Variants in EDEM3 observed in about 807,000 individuals in gnomAD.
The protein encoded by EDEM3 is ER degradation enhancing alpha-mannosidase like protein 3.
Under a neutral mutation model 110.2 loss-of-function variants are expected in EDEM3, and 60 were observed. The ratio of observed to expected loss-of-function variants is 0.54; its 90% CI spans 0.44 to 0.67. The LOEUF (loss-of-function observed/expected upper bound fraction) is 0.67. Ranked by LOEUF, EDEM3 falls within the 30% of genes least tolerant of loss-of-function variation. The pLI, the probability that EDEM3 is intolerant of heterozygous loss-of-function variation, is 0.00. For synonymous variants in EDEM3, 352 were observed against 382.9 expected (o/e 0.92, Z 0.94); for missense variants, 996 against 1,121.0 (o/e 0.89, Z 1.59).
chr1:184,700,312 T>C (rs1164437681), intron 19 of EDEM3, among the ~76,000 whole-genome samples: 1 of 151,966 alleles, frequency 6.6e-6, no homozygotes, highest in Non-Finnish European at 1.5e-5. Context: ...TTAATCAGCA[T>C]TGTGTGACTT....
Position 184,754,486 on chromosome 1 carries a change from T to C in EDEM3, c.158+3A>G, listed in dbSNP as rs1399439008. 6.2e-7 allele frequency: 1 copy of C among 1,612,494 alleles called. No homozygotes were observed. The highest frequency in any genetic ancestry group is 8.5e-7 in the Non-Finnish European group (1 of 1,179,588). On this transcript the variant is annotated splice_donor_region_variant and intron_variant, in intron 1 of 19. Coordinates refer to ENST00000318130, the MANE Select transcript of EDEM3 (RefSeq NM_025191.4). ...ACCCACCCCAGGCTGCCAGCACCCT[T>C]ACCCAAGCTTCTGTTTCTCCTCCCT... is the stretch of plus-strand genomic sequence containing the variant.
chr1:184,719,394 T>C, intron 10 of EDEM3, 49 bp downstream of exon 10: 1 of 1,588,046 alleles, frequency 6.3e-7, no homozygotes, highest in Admixed American at 1.8e-5. Context: ...ATGCGCCTAA[T>C]TAACATCATC....
Position 184,693,865 on chromosome 1 carries a change from A to T in EDEM3, c.*198T>A. ...GGGGAACTGTGGATTTCCATTTTTG[A>T]TGGGACAGTTTTAAACAAGGTCAAT... On this transcript the variant is annotated 3_prime_UTR_variant, in exon 20 of 20. Transcript: ENST00000318130. 1 of 544,712 alleles carries T rather than the reference A, an allele frequency of 1.8e-6. No individual in the cohort carries two copies. Among genetic ancestry groups the T allele is most frequent in the Non-Finnish European group, 3.1e-6 (1 of 317,838 alleles). 33.7% of individuals were successfully genotyped at this position (544,712 alleles called of 1,614,324 possible). A position where few individuals can be genotyped will look rare whatever the true frequency, so the allele number is the denominator to read the frequency against.
intron 9 of EDEM3, chr1:184,720,509 C>CTTTTTTGTTTTTT (rs1650833762): frequency 7.8e-6 from 1 of 127,458 alleles, no homozygotes; most frequent in Non-Finnish European, 1.6e-5. Context: ...ATCTCCCATA[C>CTTTTTTGTTTTTT]TTTTTTTTTT....
Position 184,693,503 on chromosome 1 carries a change from A to T in EDEM3, c.*560T>A, listed in dbSNP as rs1305652708. 1 of 152,582 alleles carries T rather than the reference A, an allele frequency of 6.6e-6. No homozygotes were observed. The highest frequency in any genetic ancestry group is 1.5e-5 in the Non-Finnish European group (1 of 68,100). 9.5% of individuals were successfully genotyped at this position (152,582 alleles called of 1,614,324 possible). On this transcript the variant is annotated 3_prime_UTR_variant, in exon 20 of 20. Coordinates refer to ENST00000318130, the MANE Select transcript of EDEM3 (RefSeq NM_025191.4). ...AAGTCATCTTGATCATTTGTCACTA[A>T]ATGAAACAAGAGAAAGCAATGAGCA...
chr1:184,712,729 A>C, intron 13 of EDEM3, 131 bp from the exon 14 acceptor site: 1 of 584,296 alleles, frequency 1.7e-6, no homozygotes, highest in South Asian at 3.0e-5. Flanking sequence ...TATAGAATGT[A>C]TCAATCTACC....
chr1:184,737,589 C>G, intron 3 of EDEM3, 22 bp downstream of exon 3: 3 of 1,609,586 alleles, frequency 1.9e-6, no homozygotes, highest in Non-Finnish European at 2.6e-6. Flanking sequence ...GATGCCATGC[C>G]ATGCCCTGTG....
At chr1:184,739,402 T>C (rs1041565784) in intron 2 of EDEM3, among the ~76,000 whole-genome samples, 3 of 150,526 alleles carry the variant, frequency 2.0e-5, no homozygotes, top group Non-Finnish European at 4.4e-5. Flanking sequence ...TTAAAATCAA[T>C]AAACCATTAT....
At chr1:184,748,209 G>A (rs1010971762) in intron 2 of EDEM3, among the ~76,000 whole-genome samples, 2 of 152,172 alleles carry the variant, frequency 1.3e-5, no homozygotes, top group Admixed American at 1.3e-4. Context: ...CACTTTGGGA[G>A]GCAGAGGTGG....
At chr1:184,701,847 C>A (rs1223240692) in intron 19 of EDEM3, among the ~76,000 whole-genome samples, 2 of 151,964 alleles carry the variant, frequency 1.3e-5, no homozygotes, top group Admixed American at 1.3e-4. Context: ...TAAAGCAATA[C>A]AAGAAGACAA....
At chr1:184,706,984 TCAAC>T (rs1253521645) in intron 17 of EDEM3, among the ~76,000 whole-genome samples, 176 bp from the exon 18 acceptor site, 1 of 152,244 alleles carries the variant, frequency 6.6e-6, no homozygotes, top group East Asian at 1.9e-4. Context: ...ATCACAGTAC[TCAAC>T]CAATATTTCT....
chr1:184,751,976 C>T (rs968699991), intron 1 of EDEM3, among the ~76,000 whole-genome samples: 2 of 152,180 alleles, frequency 1.3e-5, no homozygotes, highest in African/African-American at 4.8e-5. Flanking sequence ...TGGTCTCGAA[C>T]TCCCGACCTC....
Position 184,716,916 on chromosome 1 carries a change from C to T in EDEM3, c.1342G>A (p.Asp448Asn). The change falls in exon 13 of 20, where the codon GAT becomes AAT. Residue 448 changes from aspartate (D) to asparagine (N), a missense_variant. This residue lies in a region of EDEM3 where 310 missense variants were observed against 394.6 expected (regional missense o/e 0.79). Transcript: ENST00000318130. ...TCCTCATGACTTCCAGTACGAACAT[C>T]CTTCATGGCAGCAAATCCGCAAGGC... ...RVPCGFAAMK[D>N]VRTGSHEDRM... 1 of 1,613,330 alleles carries T rather than the reference C, an allele frequency of 6.2e-7. No homozygotes were observed. Among genetic ancestry groups the T allele is most frequent in the Non-Finnish European group, 8.5e-7 (1 of 1,179,408 alleles).
At chr1:184,724,872 A>G (rs1398460285) in intron 7 of EDEM3, among the ~76,000 whole-genome samples, 1 of 152,148 alleles carries the variant, frequency 6.6e-6, no homozygotes, top group Non-Finnish European at 1.5e-5. Context: ...ATAATATGAG[A>G]ATTCAGATCT....
chr1:184,708,566 G>A lies in EDEM3; in HGVS notation c.1846-222C>T, dbSNP rs958263002. Among the ~76,000 whole-genome samples the A allele has an allele frequency of 5.3e-5, 8 of 151,982 alleles. No homozygotes were observed. The East Asian group carries it at 9.6e-4, about 18-fold the overall frequency. On this transcript the variant is annotated intron_variant, in intron 16 of 19. Coordinates refer to ENST00000318130, the MANE Select transcript of EDEM3 (RefSeq NM_025191.4). ...CGTATTTTTTATCAATGTCACTTTC[G>A]CTATTCTATAAACCACTTTTGATTC...
chr1:184,739,495 G>T (rs1652017467), intron 2 of EDEM3, among the ~76,000 whole-genome samples: 2 of 151,574 alleles, frequency 1.3e-5, no homozygotes, highest in African/African-American at 4.8e-5. Flanking sequence ...AATTTTAATT[G>T]GAAGAACTGA....
chr1:184,746,356 A>G (rs1652431410), intron 2 of EDEM3, among the ~76,000 whole-genome samples: 1 of 152,234 alleles, frequency 6.6e-6, no homozygotes, highest in Admixed American at 6.5e-5. Context: ...AGCAAGTTCT[A>G]TGTACTATCT....
intron 5 of EDEM3, among the ~76,000 whole-genome samples, chr1:184,733,363 A>G (rs554482210): frequency 6.6e-6 from 1 of 152,350 alleles, no homozygotes; most frequent in South Asian, 2.1e-4. Context: ...TAAAACATAA[A>G]AACCTCTCGC....
intron 5 of EDEM3, among the ~76,000 whole-genome samples, chr1:184,733,647 G>T (rs904051836): frequency 6.6e-6 from 1 of 152,048 alleles, no homozygotes; most frequent in African/African-American, 2.4e-5. Context: ...GGCCAACACG[G>T]TGAAACCCTG....
Sources: allele counts gnomAD v4.1 joint callset (sites outside exome capture counted in the v4.1 genomes callset), GRCh38; gene constraint gnomAD v4.1.1; regional missense constraint gnomAD v4.1.1; transcripts MANE v1.5; gene names NCBI Gene and HGNC (gene_info 2026-07-23, HGNC 2026-07-21).